Variants in MCM9 observed in about 807,000 individuals in gnomAD.
MCM9 encodes the protein DNA helicase MCM9.
A neutral mutation model predicts 72.8 loss-of-function variants in MCM9; 55 were observed. The observed-to-expected ratio is 0.76, with a 90% CI of 0.61 to 0.95. The LOEUF is 0.95. Among genes scored for constraint, MCM9 ranks in the 40% least tolerant of loss-of-function variants. The probability of loss-of-function intolerance (pLI) is 0.00; values close to 1 mark genes in which losing one functional copy is unlikely to be tolerated. For synonymous variants in MCM9, 480 were observed against 503.4 expected (o/e 0.95, Z 0.62); for missense variants, 1,279 against 1,377.0 (o/e 0.93, Z 1.13).
At chr6:118,900,943 T>C (rs1779761601) in intron 8 of MCM9, 1 of 1,158,848 alleles carries the variant, frequency 8.6e-7, no homozygotes, top group Non-Finnish European at 1.3e-6. Flanking sequence ...ATATTATCTA[T>C]TATCTTATAA....
chr6:118,894,376 C>G, intron 8 of MCM9: 2 of 1,536,426 alleles, frequency 1.3e-6, no homozygotes, highest in Non-Finnish European at 1.7e-6. Context: ...TGTGCCGCAA[C>G]CAGCCCCAGT....
chr6:118,838,494 GT>G (rs1416260070), intron 9 of MCM9, among the ~76,000 whole-genome samples: 19 of 151,592 alleles, frequency 1.3e-4, no homozygotes, highest in Non-Finnish European at 2.5e-4. Context: ...GTTTCACCAT[GT>G]TAGCTAGGAT....
intron 9 of MCM9, among the ~76,000 whole-genome samples, chr6:118,852,221 A>T (rs1776275559): frequency 6.6e-6 from 1 of 152,224 alleles, no homozygotes; most frequent in Non-Finnish European, 1.5e-5. Flanking sequence ...TGAGACCACC[A>T]TCATATATGT....
At chr6:118,869,618 AAG>A (rs1562417256) in intron 8 of MCM9, among the ~76,000 whole-genome samples, 3 of 149,962 alleles carry the variant, frequency 2.0e-5, no homozygotes, top group African/African-American at 7.3e-5. Flanking sequence ...AAAAAAAAAA[AAG>A]AAGCCAATTT....
At chr6:118,858,742 A>C (rs1776726579) in intron 8 of MCM9, among the ~76,000 whole-genome samples, 1 of 152,126 alleles carries the variant, frequency 6.6e-6, no homozygotes, top group Admixed American at 6.5e-5. Flanking sequence ...CAAAACTACA[A>C]AACACTGACA....
intron 8 of MCM9, among the ~76,000 whole-genome samples, chr6:118,887,754 C>T (rs1778689456): frequency 6.6e-6 from 1 of 151,922 alleles, no homozygotes; most frequent in Admixed American, 6.6e-5. Flanking sequence ...ATGTAGAACA[C>T]ATAAGGAACT....
intron 8 of MCM9, among the ~76,000 whole-genome samples, chr6:118,859,825 C>G (rs1014141811): frequency 6.6e-6 from 1 of 152,160 alleles, no homozygotes; most frequent in African/African-American, 2.4e-5. Context: ...TTTACCAGAG[C>G]CTTATCTACC....
intron 9 of MCM9, among the ~76,000 whole-genome samples, chr6:118,840,268 T>C (rs1021926269): frequency 1.3e-5 from 2 of 151,704 alleles, no homozygotes; most frequent in African/African-American, 2.4e-5. Flanking sequence ...TAACACCCAG[T>C]GTTATGGTAT....
chr6:118,926,848 T>G (rs1402717949), intron 3 of MCM9, among the ~76,000 whole-genome samples: 6 of 152,304 alleles, frequency 3.9e-5, no homozygotes, highest in Non-Finnish European at 5.9e-5. Context: ...TTAAATAATT[T>G]TATTTTTATG....
At chr6:118,910,917 A>G (rs926305535) in intron 8 of MCM9, 1 of 985,442 alleles carries the variant, frequency 1.0e-6, no homozygotes. Flanking sequence ...GCCCAATGGA[A>G]GTTAATCTGA....
At chr6:118,843,576 C>T (rs991605580) in intron 9 of MCM9, among the ~76,000 whole-genome samples, 1 of 121,412 alleles carries the variant, frequency 8.2e-6, no homozygotes, top group African/African-American at 2.9e-5. Flanking sequence ...TGCAGTGAGC[C>T]AAGATTGCGC....
At chr6:118,883,069 C>CAAAAAAAAAAA (rs36162403) in intron 8 of MCM9, among the ~76,000 whole-genome samples, 1 of 46,178 alleles carries the variant, frequency 2.2e-5, no homozygotes. Flanking sequence ...CTCAAAGATG[C>CAAAAAAAAAAA]AAAAAAAAAA....
chr6:118,916,435 T>TATG (rs1262557408), intron 6 of MCM9, among the ~76,000 whole-genome samples: 1 of 52,106 alleles, frequency 1.9e-5, no homozygotes, highest in East Asian at 5.1e-4. Flanking sequence ...ATGGAAGCAT[T>TATG]ATTATTATTA....
At chr6:118,855,238 C>A (rs1776479125) in intron 9 of MCM9, among the ~76,000 whole-genome samples, 1 of 152,156 alleles carries the variant, frequency 6.6e-6, no homozygotes, top group South Asian at 2.1e-4. Flanking sequence ...CTTCTGATTT[C>A]CTCAATCAAA....
chr6:118,846,437 T>A (rs564692088), intron 9 of MCM9, among the ~76,000 whole-genome samples: 1 of 151,872 alleles, frequency 6.6e-6, no homozygotes, highest in African/African-American at 2.4e-5. Flanking sequence ...ACAGATAAAA[T>A]GCCAGGAGGA....
chr6:118,870,608 T>C (rs1777539415), intron 8 of MCM9, among the ~76,000 whole-genome samples: 1 of 151,994 alleles, frequency 6.6e-6, no homozygotes, highest in African/African-American at 2.4e-5. Flanking sequence ...GAGCTCAATG[T>C]TAGCAGAAGG....
intron 8 of MCM9, among the ~76,000 whole-genome samples, chr6:118,905,455 A>T (rs538986684): frequency 3.3e-4 from 51 of 152,324 alleles, no homozygotes; most frequent in African/African-American, 1.2e-3. Flanking sequence ...CCTTACATAT[A>T]TTGTGGCAAA....
chr6:118,928,359 C>T (rs900655562), intron 3 of MCM9, among the ~76,000 whole-genome samples: 1 of 151,758 alleles, frequency 6.6e-6, no homozygotes, highest in Admixed American at 6.6e-5. Flanking sequence ...TGCAGTGAAC[C>T]GAGATTGCAC....
chr6:118,828,089 T>A lies in MCM9; in HGVS notation c.1570A>T (p.Met524Leu). The A allele has an allele frequency of 1.3e-6, 2 of 1,550,612 alleles. No individual in the cohort carries two copies. Among genetic ancestry groups the A allele is most frequent in the Non-Finnish European group, 1.7e-6 (2 of 1,147,008 alleles). Reference sequence around the variant, plus strand: ...CTTATGAGGCAGAAATAGGTTTTCATCTTTTCCATGCTCCAGAGCTTCTCT... The same window carrying A: ...CTTATGAGGCAGAAATAGGTTTTCAACTTTTCCATGCTCCAGAGCTTCTCT... ...KSEKLWSMEKMKTYFCLIRNL... is the reference protein window; with the variant it reads ...KSEKLWSMEKLKTYFCLIRNL... The change falls in exon 11 of 14, where the codon ATG becomes TTG. Residue 524 changes from methionine to leucine, a missense_variant. Coordinates refer to ENST00000619706, the MANE Select transcript of MCM9 (RefSeq NM_017696.3).
Sources: allele counts gnomAD v4.1 joint callset (sites outside exome capture counted in the v4.1 genomes callset), GRCh38; gene constraint gnomAD v4.1.1; transcripts MANE v1.5; gene names NCBI Gene and HGNC (gene_info 2026-07-23, HGNC 2026-07-21).